Variants in FARS2 observed in about 807,000 individuals in gnomAD.
The protein encoded by FARS2 is phenylalanyl-tRNA synthetase 2, mitochondrial, also known as phenylalanine--tRNA ligase, mitochondrial.
A neutral mutation model predicts 46.4 loss-of-function variants in FARS2; 40 were observed. That is an observed-to-expected ratio of 0.86 (90% CI 0.67 to 1.12). The LOEUF (loss-of-function observed/expected upper bound fraction) is 1.12, where lower values mean the gene tolerates loss of function less well. FARS2 is among the 50% of genes most tolerant of loss of function. The pLI, the probability that FARS2 is intolerant of heterozygous loss-of-function variation, is 0.00. For missense variants in FARS2, 513 were observed against 567.9 expected (o/e 0.90, Z 0.98); for synonymous variants, 234 against 214.9 (o/e 1.09, Z -0.78).
At position 5,514,146 on chromosome 6, in the gene FARS2, A is replaced by G. The variant is rs1353469624; in HGVS notation, c.905-31034A>G. Reference sequence around the variant, plus strand: ...TCTAGGAATGTGCCAGATGTGTTGTAGTTTAAAGAAATATTGTGTGTATTA... The same window carrying G: ...TCTAGGAATGTGCCAGATGTGTTGTGGTTTAAAGAAATATTGTGTGTATTA... On this transcript the variant is annotated intron_variant, in intron 4 of 6. Coordinates refer to ENST00000274680, the MANE Select transcript of FARS2 (RefSeq NM_006567.5). Among the ~76,000 whole-genome samples the G allele has an allele frequency of 5.3e-5, 8 of 152,054 alleles. No homozygotes were observed. In the East Asian group the frequency reaches 1.5e-3, roughly 29 times the overall value.
In FARS2 at chr6:5,580,289, C is replaced by CAAAA. The variant is rs35150084; in HGVS notation, c.1066-32866_1066-32863dup. Among the ~76,000 whole-genome samples, 805 of 105,068 alleles carry CAAAA rather than the reference C, an allele frequency of 7.7e-3. 16 individuals are homozygous for CAAAA. The highest frequency in any genetic ancestry group is 0.014 in the South Asian group (39 of 2,722). 68.9% of individuals were successfully genotyped at this position (105,068 alleles called of 152,430 possible). On this transcript the variant is annotated intron_variant, in intron 5 of 6. Coordinates refer to ENST00000274680, the MANE Select transcript of FARS2 (RefSeq NM_006567.5). ...TGGGTGACAGAGGAAGACTCCGTCTCAAAAAAAAAAAAAAAAAGAGAAGGA... is the reference window on the plus strand; with the variant it reads ...TGGGTGACAGAGGAAGACTCCGTCTCAAAAAAAAAAAAAAAAAAAAAGAGAAGGA...
At chr6:5,749,736 G>A (rs1761840638) in intron 6 of FARS2, among the ~76,000 whole-genome samples, 1 of 152,218 alleles carries the variant, frequency 6.6e-6, no homozygotes, top group Admixed American at 6.5e-5. Context: ...TCCCAAAGCT[G>A]TAACCTAGGT....
At chr6:5,290,293 T>A (rs1379714910) in intron 1 of FARS2, among the ~76,000 whole-genome samples, 1 of 152,082 alleles carries the variant, frequency 6.6e-6, no homozygotes, top group Non-Finnish European at 1.5e-5. Context: ...GATACAGAGG[T>A]TTCTCTAGGT....
At chr6:5,320,741 G>A (rs1358871789) in intron 1 of FARS2, among the ~76,000 whole-genome samples, 2 of 152,216 alleles carry the variant, frequency 1.3e-5, no homozygotes, top group Admixed American at 1.3e-4. Flanking sequence ...TGTAATGGCA[G>A]CAGCATAACA....
intron 3 of FARS2, among the ~76,000 whole-genome samples, chr6:5,416,071 G>A (rs1037670350): frequency 6.6e-6 from 1 of 152,124 alleles, no homozygotes; most frequent in Non-Finnish European, 1.5e-5. Flanking sequence ...TGGGATGTGG[G>A]ATTTGCAATA....
chr6:5,578,318 C>T (rs983541244), intron 5 of FARS2, among the ~76,000 whole-genome samples: 4 of 152,192 alleles, frequency 2.6e-5, no homozygotes, highest in Admixed American at 2.0e-4. Context: ...CCCCTTCTCA[C>T]TGGGCAGGGA....
intron 6 of FARS2, among the ~76,000 whole-genome samples, chr6:5,691,837 C>T (rs535876975): frequency 6.6e-6 from 1 of 152,352 alleles, no homozygotes; most frequent in East Asian, 1.9e-4. Context: ...GGGCTCCACC[C>T]AGTTCGAGCT....
At chr6:5,723,839 A>G (rs546841220) in intron 6 of FARS2, among the ~76,000 whole-genome samples, 9 of 152,232 alleles carry the variant, frequency 5.9e-5, no homozygotes, top group Admixed American at 1.3e-4. Flanking sequence ...AAGAGGCTTC[A>G]GGGCTTTGGG....
rs1762663242 is a variant in FARS2, at chr6:5,764,752, C to G, written c.1218-6539C>G. On this transcript the variant is annotated intron_variant, in intron 6 of 6. Coordinates refer to ENST00000274680, the MANE Select transcript of FARS2 (RefSeq NM_006567.5). This position sits in a 1 kb window ranked among gnomAD's most constrained non-coding sequence, Gnocchi z 4.1. The stretch of plus-strand genomic sequence containing the variant: ...TGCAGGAGCTGGGATTTGGCTGGAT[C>G]CCCTGGAAAGGTTTTATTTTGAGTG... Among the ~76,000 whole-genome samples the G allele has an allele frequency of 6.6e-6, 1 of 152,134 alleles. No homozygotes were observed. The highest frequency in any genetic ancestry group is 2.1e-4 in the South Asian group (1 of 4,822).
chr6:5,751,024 G>A (rs956607374), intron 6 of FARS2, among the ~76,000 whole-genome samples: 1 of 152,094 alleles, frequency 6.6e-6, no homozygotes, highest in Non-Finnish European at 1.5e-5. Context: ...GGCGGGTTTT[G>A]GGGGGCTGGG....
intron 4 of FARS2, among the ~76,000 whole-genome samples, chr6:5,534,080 GA>G (rs1457170472): frequency 6.6e-6 from 1 of 152,134 alleles, no homozygotes; most frequent in African/African-American, 2.4e-5. Context: ...TTTTATGAGA[GA>G]AAAAGCTGAA....
At chr6:5,539,408 T>TA (rs68137910) in intron 4 of FARS2, among the ~76,000 whole-genome samples, 19,315 of 93,676 alleles carry the variant, frequency 0.21, 2,103 homozygotes, top group Non-Finnish European at 0.25. Context: ...ATGTATATAT[T>TA]TTTTTAGTAG....
At chr6:5,437,538 A>G (rs907738892) in intron 4 of FARS2, among the ~76,000 whole-genome samples, 9 of 152,116 alleles carry the variant, frequency 5.9e-5, no homozygotes, top group Admixed American at 4.6e-4. Context: ...TATTAGGTGC[A>G]TATATTTTCA....
intron 1 of FARS2, among the ~76,000 whole-genome samples, chr6:5,269,098 T>A (rs1049619438): frequency 4.6e-5 from 7 of 152,160 alleles, no homozygotes; most frequent in Admixed American, 4.6e-4. Flanking sequence ...CAAATGTCCA[T>A]CAATGATAGA....
In FARS2 at chr6:5,487,973, T is replaced by C. The variant is rs147462822; in HGVS notation, c.904+56801T>C. On this transcript the variant is annotated intron_variant, in intron 4 of 6. Transcript: ENST00000274680. ...TTGTAGGGGCATGGAAGCTGGACTC[T>C]GGGGCTTATTCTGGAGAATATTCTC... is the stretch of plus-strand genomic sequence containing the variant. Among the ~76,000 whole-genome samples the C allele has an allele frequency of 6.2e-3, 941 of 152,310 alleles. 10 individuals are homozygous for C. The highest frequency in any genetic ancestry group is 0.021 in the African/African-American group (890 of 41,572).
At chr6:5,268,769 A>G (rs1359104382) in intron 1 of FARS2, among the ~76,000 whole-genome samples, 1 of 152,138 alleles carries the variant, frequency 6.6e-6, no homozygotes, top group Non-Finnish European at 1.5e-5. Context: ...TGGGGATGGC[A>G]CTGAATCTAT....
chr6:5,500,688 C>G (rs913192960), intron 4 of FARS2, among the ~76,000 whole-genome samples: 1 of 152,070 alleles, frequency 6.6e-6, no homozygotes, highest in South Asian at 2.1e-4. Context: ...CTAAGGGAGT[C>G]AGAGTGCTTT....
intron 2 of FARS2, among the ~76,000 whole-genome samples, chr6:5,383,450 G>A (rs1581943087): frequency 6.6e-6 from 1 of 152,208 alleles, no homozygotes; most frequent in African/African-American, 2.4e-5. Flanking sequence ...CAGCTTTTGA[G>A]CTAGCGAAAC....
chr6:5,290,263 C>G lies in FARS2; in HGVS notation c.-22+28603C>G, dbSNP rs189087380. 2.6e-5 allele frequency among the ~76,000 whole-genome samples: 4 copies of G among 152,266 alleles called. No homozygotes were observed. In the East Asian group the frequency reaches 5.8e-4, roughly 22 times the overall value. ...TGTGTGTGTGAGGGAAACAGTAATG[C>G]TTGACAACTCATGCTTCCTGATACA... On this transcript the variant is annotated intron_variant, in intron 1 of 6. Transcript: ENST00000274680.
Sources: gnomAD v4.1 joint callset for allele counts (sites outside exome capture counted in the v4.1 genomes callset) on GRCh38, gnomAD v4.1.1 for gene constraint, Gnocchi (gnomAD v3.1) non-coding constraint, MANE v1.5 for transcripts, NCBI Gene and HGNC (gene_info 2026-07-23, HGNC 2026-07-21) for gene names.